The following MEF2C variants were observed in gnomAD, a reference collection of about 807,000 sequenced individuals.
MEF2C encodes the protein myocyte enhancer factor 2C.
In MEF2C, 6 loss-of-function variants were observed where a neutral mutation model predicts 50.5. The observed-to-expected ratio is 0.12, with a 90% CI of 0.07 to 0.23. The LOEUF (loss-of-function observed/expected upper bound fraction) is 0.23, where lower values mean the gene tolerates loss of function less well. MEF2C is among the 10% of genes least tolerant of loss of function. MEF2C has a pLI of 1.00. For synonymous variants in MEF2C, 183 were observed against 228.0 expected (o/e 0.80, Z 1.78); for missense variants, 276 against 605.0 (o/e 0.46, Z 5.70).
In MEF2C at chr5:88,822,161, GC is replaced by G. The variant is rs1808693381; in HGVS notation, c.54+1573del. Among the ~76,000 whole-genome samples the G allele has an allele frequency of 3.9e-5, 6 of 152,010 alleles. 1 individual carries two copies. Among genetic ancestry groups the G allele is most frequent in the African/African-American group, 1.4e-4 (6 of 41,514 alleles). ...CAAAAATTTTCTTCTAACTTTGCAA[GC>G]AAAAGAAGATATAATGAATATCATA... On this transcript the variant is annotated intron_variant, in intron 2 of 10. Transcript: ENST00000504921.
chr5:88,742,926 G>A (rs1767517082), intron 6 of MEF2C: 2 of 978,572 alleles, frequency 2.0e-6, no homozygotes. Flanking sequence ...ACTTGGTTTG[G>A]GTTAAAAATA....
At chr5:88,882,418 G>A (rs980329683) in intron 1 of MEF2C, among the ~76,000 whole-genome samples, 2 of 152,198 alleles carry the variant, frequency 1.3e-5, no homozygotes, top group South Asian at 4.1e-4. Context: ...GCACTTTGGT[G>A]AGGGAAGGAA....
At chr5:88,784,252 A>T (rs1789679612) in intron 3 of MEF2C, among the ~76,000 whole-genome samples, 1 of 152,212 alleles carries the variant, frequency 6.6e-6, no homozygotes, top group South Asian at 2.1e-4. Flanking sequence ...TCAAATCCAC[A>T]ATGATTTGGA....
At position 88,811,457 on chromosome 5, in the gene MEF2C, T is replaced by G. The variant is rs530801900; in HGVS notation, c.55-6656A>C. ...GGAAGGTGTAGAAGGGGCTCCTGAA[T>G]TAAGCAGGAAGTTGGACTAGAGACC... is the stretch of plus-strand genomic sequence containing the variant. On this transcript the variant is annotated intron_variant, in intron 2 of 10. Coordinates refer to ENST00000504921, the MANE Select transcript of MEF2C (RefSeq NM_002397.5). Among the ~76,000 whole-genome samples, 6 of 152,264 alleles carry G rather than the reference T, an allele frequency of 3.9e-5. 1 individual carries two copies. The South Asian group carries it at 1.2e-3, about 32-fold the overall frequency.
rs114974982 is a variant in MEF2C, at chr5:88,816,126, A to G, written c.54+7609T>C. On this transcript the variant is annotated intron_variant, in intron 2 of 10. Coordinates refer to ENST00000504921, the MANE Select transcript of MEF2C (RefSeq NM_002397.5). ...AAACCCTTGAGGCCCTCAAGTTCAA[A>G]GAAGAGTGACAGAATTCTAGAAGTG... Among the ~76,000 whole-genome samples the G allele has an allele frequency of 5.5e-3, 843 of 152,194 alleles. 10 individuals carry two copies. The highest frequency in any genetic ancestry group is 0.019 in the African/African-American group (780 of 41,550).
intron 3 of MEF2C, among the ~76,000 whole-genome samples, chr5:88,793,299 G>A (rs1223074231): frequency 6.6e-6 from 1 of 152,016 alleles, no homozygotes; most frequent in Non-Finnish European, 1.5e-5. Context: ...AGGAATGTAC[G>A]TATGTACGAT....
chr5:88,881,749 T>C (rs1554055351), intron 1 of MEF2C, among the ~76,000 whole-genome samples: 2 of 149,210 alleles, frequency 1.3e-5, no homozygotes. Context: ...TGGACTGGTA[T>C]AATGAGGTGG....
chr5:88,739,625 T>C (rs1042261429), intron 6 of MEF2C: 2 of 985,184 alleles, frequency 2.0e-6, no homozygotes, highest in African/African-American at 3.5e-5. Context: ...TGGAAAAATA[T>C]GATCTTCTAG....
At chr5:88,815,902 T>C (rs1329370523) in intron 2 of MEF2C, among the ~76,000 whole-genome samples, 5 of 152,030 alleles carry the variant, frequency 3.3e-5, no homozygotes, top group Non-Finnish European at 7.4e-5. Context: ...TGTCACACAG[T>C]TTGTGCATTT....
intron 1 of MEF2C, among the ~76,000 whole-genome samples, chr5:88,895,777 C>G (rs2067664): frequency 0.22 from 34,170 of 152,058 alleles, 4,140 homozygotes; most frequent in Non-Finnish European, 0.29. Context: ...CTGATGCGAC[C>G]TACAAAGTCC....
intron 1 of MEF2C, chr5:88,825,415 C>T: frequency 5.6e-6 from 5 of 885,052 alleles, no homozygotes; most frequent in Non-Finnish European, 6.8e-6. Flanking sequence ...TCAGTTCTGC[C>T]TCTCATAATA....
chr5:88,799,907 CACACACAGAG>C (rs369701202), intron 3 of MEF2C, among the ~76,000 whole-genome samples: 1,958 of 90,524 alleles, frequency 0.022, 35 homozygotes, highest in East Asian at 0.12. Flanking sequence ...CACACACACA[CACACACAGAG>C]AGAGAGACAC....
chr5:88,729,489 C>T (rs1036719232), intron 8 of MEF2C, 142 bp from the exon 9 acceptor site: 12 of 754,680 alleles, frequency 1.6e-5, no homozygotes, highest in Admixed American at 1.2e-4. Context: ...TCTCTATGAA[C>T]TCTGCCAACC....
At chr5:88,815,799 T>C (rs1463210736) in intron 2 of MEF2C, among the ~76,000 whole-genome samples, 1 of 152,044 alleles carries the variant, frequency 6.6e-6, no homozygotes, top group Non-Finnish European at 1.5e-5. Flanking sequence ...ATTAGCATCA[T>C]GTCTTTTAAT....
chr5:88,738,085 C>CA (rs951847044), intron 6 of MEF2C: 16 of 984,002 alleles, frequency 1.6e-5, no homozygotes, highest in African/African-American at 3.5e-5. Context: ...GAGTTGGGGA[C>CA]AAAAAAAAGA....
intron 3 of MEF2C, among the ~76,000 whole-genome samples, chr5:88,781,522 G>A (rs1788017548): frequency 6.6e-6 from 1 of 151,134 alleles, no homozygotes; most frequent in African/African-American, 2.5e-5. Context: ...TTTGTCTGAC[G>A]CTAAAATGTG....
chr5:88,773,050 T>C (rs1783090151), intron 3 of MEF2C: 1 of 441,566 alleles, frequency 2.3e-6, no homozygotes, highest in Admixed American at 6.4e-5. Flanking sequence ...GGGAACACAA[T>C]ACGTAAGTCA....
At chr5:88,781,354 C>T (rs1787921682) in intron 3 of MEF2C, among the ~76,000 whole-genome samples, 1 of 152,176 alleles carries the variant, frequency 6.6e-6, no homozygotes, top group African/African-American at 2.4e-5. Flanking sequence ...GTATGAGCAT[C>T]ATGTGCTAAT....
At chr5:88,860,492 ATT>A (rs562217718) in intron 1 of MEF2C, among the ~76,000 whole-genome samples, 1 of 151,030 alleles carries the variant, frequency 6.6e-6, no homozygotes, top group African/African-American at 2.4e-5. Context: ...AGAAATTGTA[ATT>A]TTTTTTTCAC....
Sources: gnomAD v4.1 joint callset for allele counts (sites outside exome capture counted in the v4.1 genomes callset) on GRCh38, gnomAD v4.1.1 for gene constraint, MANE v1.5 for transcripts, NCBI Gene and HGNC (gene_info 2026-07-23, HGNC 2026-07-21) for gene names.